Variants in PIP4K2A observed in about 807,000 individuals in gnomAD.
PIP4K2A encodes the protein phosphatidylinositol-5-phosphate 4-kinase type 2 alpha.
PIP4K2A carries 14 observed loss-of-function variants against 42.9 expected under a neutral mutation model. The ratio of observed to expected loss-of-function variants is 0.33; its 90% confidence interval spans 0.22 to 0.51. PIP4K2A has a LOEUF of 0.51. PIP4K2A is among the 20% of genes least tolerant of loss of function. PIP4K2A has a pLI of 0.97. For synonymous variants in PIP4K2A, 192 were observed against 192.2 expected, an observed-to-expected ratio of 1.00 and a Z score of 0.01; for missense variants, 434 against 519.8, an observed-to-expected ratio of 0.83 and a Z score of 1.61.
At chr10:22,549,931 A>T (rs1298493683) in intron 7 of PIP4K2A, among the ~76,000 whole-genome samples, 1 of 152,030 alleles carries the variant, frequency 6.6e-6, no homozygotes, top group Non-Finnish European at 1.5e-5. Context: ...AAAGACTTAA[A>T]TAATGAGCAA....
At position 22,602,079 on chromosome 10, in the gene PIP4K2A, C is replaced by T. The variant is rs559249637; in HGVS notation, c.339+5848G>A. ...TCCCTTCTATGCATTCTATAAATTACAATGCAGTTATCTTTAGAAAATACA... is the reference window on the plus strand; with the variant it reads ...TCCCTTCTATGCATTCTATAAATTATAATGCAGTTATCTTTAGAAAATACA... On this transcript the variant is annotated intron_variant, in intron 3 of 9. Coordinates refer to ENST00000376573, the MANE Select transcript of PIP4K2A (RefSeq NM_005028.5). 3.9e-5 allele frequency among the ~76,000 whole-genome samples: 6 copies of T among 152,248 alleles called. No individual in the cohort carries two copies. In the South Asian group the frequency reaches 8.3e-4, roughly 21 times the overall value.
At chr10:22,624,621 T>C (rs1359526087) in intron 1 of PIP4K2A, among the ~76,000 whole-genome samples, 1 of 152,224 alleles carries the variant, frequency 6.6e-6, no homozygotes, top group Non-Finnish European at 1.5e-5. Context: ...AAAACATGTG[T>C]TCCAAATTCA....
At chr10:22,547,755 C>T (rs1345478263) in intron 7 of PIP4K2A, among the ~76,000 whole-genome samples, 1 of 152,146 alleles carries the variant, frequency 6.6e-6, no homozygotes, top group East Asian at 1.9e-4. Context: ...ATTGACAAAA[C>T]ACAGGGCAGA....
intron 3 of PIP4K2A, among the ~76,000 whole-genome samples, chr10:22,605,278 T>TA (rs1837882777): frequency 6.6e-6 from 1 of 151,982 alleles, no homozygotes; most frequent in Admixed American, 6.5e-5. Flanking sequence ...TTCGAATGAT[T>TA]AATCACACTC....
intron 1 of PIP4K2A, among the ~76,000 whole-genome samples, chr10:22,647,239 A>T (rs1027473493): frequency 1.2e-4 from 18 of 152,196 alleles, no homozygotes; most frequent in Non-Finnish European, 2.1e-4. Context: ...CATTTTTGGT[A>T]GCAAGATACA....
At chr10:22,678,181 G>A (rs1313755616) in intron 1 of PIP4K2A, among the ~76,000 whole-genome samples, 1 of 151,588 alleles carries the variant, frequency 6.6e-6, no homozygotes, top group Non-Finnish European at 1.5e-5. Context: ...TCTTCTCAGT[G>A]TTACCCCTGC....
At chr10:22,666,099 C>G (rs1302089811) in intron 1 of PIP4K2A, among the ~76,000 whole-genome samples, 1 of 151,902 alleles carries the variant, frequency 6.6e-6, no homozygotes, top group Non-Finnish European at 1.5e-5. Flanking sequence ...AAATCTAATA[C>G]AACACATTTT....
chr10:22,568,873 T>C, intron 5 of PIP4K2A: 4 of 624,522 alleles, frequency 6.4e-6, no homozygotes, highest in Middle Eastern at 2.5e-4. Flanking sequence ...CAGGCCAATT[T>C]CCTGGGCTCC....
intron 1 of PIP4K2A, among the ~76,000 whole-genome samples, chr10:22,675,550 ACTG>A (rs1394254591): frequency 2.0e-5 from 3 of 152,210 alleles, no homozygotes; most frequent in Non-Finnish European, 4.4e-5. Flanking sequence ...AGATTGCACC[ACTG>A]CACTCCAGCG....
intron 1 of PIP4K2A, among the ~76,000 whole-genome samples, chr10:22,693,357 A>C (rs1366679080): frequency 6.6e-6 from 1 of 151,946 alleles, no homozygotes. Flanking sequence ...AGGCTTTTGG[A>C]GAGTAATACA....
At chr10:22,638,670 GAAA>G (rs1223501168) in intron 1 of PIP4K2A, among the ~76,000 whole-genome samples, 2 of 151,840 alleles carry the variant, frequency 1.3e-5, no homozygotes, top group Non-Finnish European at 2.9e-5. Context: ...AAGGGGGAGG[GAAA>G]AAAACCCACT....
intron 6 of PIP4K2A, among the ~76,000 whole-genome samples, chr10:22,554,735 C>G (rs1012958820): frequency 1.3e-5 from 2 of 152,294 alleles, no homozygotes; most frequent in East Asian, 3.8e-4. Flanking sequence ...TAAGGCGGGA[C>G]GATTGCTGTA....
chr10:22,584,163 C>G (rs1360582510), intron 4 of PIP4K2A, among the ~76,000 whole-genome samples: 1 of 152,010 alleles, frequency 6.6e-6, no homozygotes, highest in Non-Finnish European at 1.5e-5. Context: ...TGGGAACTCT[C>G]AGGAGTAAGT....
At chr10:22,603,088 T>G (rs546789973) in intron 3 of PIP4K2A, among the ~76,000 whole-genome samples, 1 of 152,332 alleles carries the variant, frequency 6.6e-6, no homozygotes, top group Non-Finnish European at 1.5e-5. Context: ...ATTTCTAAAC[T>G]TGAAATAAGA....
intron 1 of PIP4K2A, among the ~76,000 whole-genome samples, chr10:22,659,040 G>C (rs1839154207): frequency 6.6e-6 from 1 of 152,176 alleles, no homozygotes; most frequent in African/African-American, 2.4e-5. Context: ...GTCTGCCTTG[G>C]CTCCGAGGTT....
At chr10:22,642,253 TTCTG>T (rs1185808270) in intron 1 of PIP4K2A, among the ~76,000 whole-genome samples, 395 of 152,326 alleles carry the variant, frequency 2.6e-3, no homozygotes, top group African/African-American at 9.0e-3. Flanking sequence ...TGAATTGGGT[TTCTG>T]TCACTTACAA....
intron 4 of PIP4K2A, among the ~76,000 whole-genome samples, chr10:22,590,353 T>C (rs1477652936): frequency 1.3e-5 from 2 of 152,218 alleles, no homozygotes; most frequent in Non-Finnish European, 2.9e-5. Context: ...GTTCATACCA[T>C]ATGACTACAA....
chr10:22,687,179 C>T (rs1463495260), intron 1 of PIP4K2A, among the ~76,000 whole-genome samples: 3 of 151,250 alleles, frequency 2.0e-5, no homozygotes. Context: ...AAATGTCGAC[C>T]TCAGATGAAA....
At chr10:22,655,982 T>G (rs1482885395) in intron 1 of PIP4K2A, among the ~76,000 whole-genome samples, 1 of 152,124 alleles carries the variant, frequency 6.6e-6, no homozygotes, top group African/African-American at 2.4e-5. Flanking sequence ...ATTAGCATCT[T>G]GGGGGAATCA....
Sources: gnomAD v4.1 joint callset for allele counts (sites outside exome capture counted in the v4.1 genomes callset) on GRCh38, gnomAD v4.1.1 for gene constraint, MANE v1.5 for transcripts, NCBI Gene and HGNC (gene_info 2026-07-23, HGNC 2026-07-21) for gene names.